KIAA1217: variants seen among roughly 807,000 people sequenced by gnomAD.
KIAA1217 encodes the protein KIAA1217, also known as sickle tail protein homolog.
A neutral mutation model predicts 163.9 loss-of-function variants in KIAA1217; 88 were observed. The ratio of observed to expected loss-of-function variants is 0.54; its 90% CI spans 0.45 to 0.64. KIAA1217 has a LOEUF of 0.64. Ranked by LOEUF, KIAA1217 falls within the 30% of genes least tolerant of loss-of-function variation. The probability of loss-of-function intolerance (pLI) is 0.00; values close to 1 mark genes in which losing one functional copy is unlikely to be tolerated. For missense variants in KIAA1217, 2,372 were observed against 2,475.0 expected (o/e 0.96, Z 0.88); for synonymous variants, 903 against 923.1 (o/e 0.98, Z 0.39).
chr10:23,731,203 G>A (rs1838457938), intron 1 of KIAA1217, among the ~76,000 whole-genome samples: 1 of 152,150 alleles, frequency 6.6e-6, no homozygotes, highest in African/African-American at 2.4e-5. Flanking sequence ...TGAGGGAGGG[G>A]AAGGTGGAAC....
At chr10:24,376,652 C>T (rs1170163226) in intron 2 of KIAA1217, among the ~76,000 whole-genome samples, 2 of 152,148 alleles carry the variant, frequency 1.3e-5, no homozygotes, top group Non-Finnish European at 2.9e-5. Flanking sequence ...GTCCCAGCTA[C>T]TCAGGAGGCT....
intron 2 of KIAA1217, among the ~76,000 whole-genome samples, chr10:24,140,350 ACT>A (rs2064009637): frequency 7.1e-6 from 1 of 141,470 alleles, no homozygotes; most frequent in South Asian, 2.2e-4. Flanking sequence ...ACAGAGGAAG[ACT>A]CTGTCTCAAA....
chr10:24,452,066 A>G (rs2061413026), intron 5 of KIAA1217, among the ~76,000 whole-genome samples: 1 of 152,072 alleles, frequency 6.6e-6, no homozygotes, highest in Admixed American at 6.5e-5. Flanking sequence ...CTTTTATATA[A>G]ATTTGGGGGT....
intron 2 of KIAA1217, among the ~76,000 whole-genome samples, chr10:24,174,764 G>T (rs995925639): frequency 1.3e-5 from 2 of 151,996 alleles, no homozygotes; most frequent in African/African-American, 4.8e-5. Context: ...GTGGTCTTTG[G>T]TTACATGAAT....
chr10:23,848,337 G>A (rs1839140963), intron 1 of KIAA1217, among the ~76,000 whole-genome samples: 1 of 151,972 alleles, frequency 6.6e-6, no homozygotes, highest in African/African-American at 2.4e-5. Context: ...CACTACTATT[G>A]TGTGGGAGTC....
At chr10:24,455,944 A>G (rs1393427496) in intron 5 of KIAA1217, among the ~76,000 whole-genome samples, 3 of 152,182 alleles carry the variant, frequency 2.0e-5, no homozygotes, top group Non-Finnish European at 4.4e-5. Flanking sequence ...GCTGGAGTGC[A>G]GTGGTGCAGT....
At position 24,521,841 on chromosome 10, in the gene KIAA1217, G is replaced by T; in HGVS notation, c.2368G>T (p.Val790Leu). ...RAILRIEVEA[V>L]RFLKEEPHKL... ...CATCCTGCGCATAGAAGTGGAGGCC[G>T]TGCGGTTTCTGAAGGAGGAGCCACA... The change falls in exon 12 of 21, where the codon GTG becomes TTG. Residue 790 changes from valine (V) to leucine (L), a missense_variant. Around this residue, in one of 3 missense-constraint regions of KIAA1217, gnomAD observed 1,431 missense variants for 1,470.3 expected, o/e 0.97. Coordinates refer to ENST00000376454, the MANE Select transcript of KIAA1217 (RefSeq NM_019590.5). 6.2e-7 allele frequency: 1 copy of T among 1,613,786 alleles called. No individual in the cohort carries two copies. Among genetic ancestry groups the T allele is most frequent in the Non-Finnish European group, 8.5e-7 (1 of 1,180,000 alleles).
intron 1 of KIAA1217, among the ~76,000 whole-genome samples, chr10:23,735,736 T>G (rs1353383606): frequency 6.6e-6 from 1 of 152,150 alleles, no homozygotes; most frequent in African/African-American, 2.4e-5. Flanking sequence ...GTTTTTGGCT[T>G]ATCTTTTCAC....
intron 6 of KIAA1217, among the ~76,000 whole-genome samples, chr10:24,480,582 G>A (rs548523803): frequency 2.2e-4 from 33 of 152,264 alleles, no homozygotes; most frequent in Admixed American, 1.0e-3. Flanking sequence ...TACCCCACAG[G>A]ATGCAACAAC....
intron 1 of KIAA1217, among the ~76,000 whole-genome samples, chr10:24,212,145 C>A (rs1486319125): frequency 1.1e-4 from 16 of 151,748 alleles, no homozygotes; most frequent in African/African-American, 3.9e-4. Flanking sequence ...AAAGAAAAGA[C>A]AAACAAGACA....
intron 2 of KIAA1217, among the ~76,000 whole-genome samples, chr10:24,226,300 C>A (rs886959704): frequency 6.6e-5 from 10 of 152,202 alleles, no homozygotes; most frequent in South Asian, 2.1e-4. Context: ...AGCAATAGAG[C>A]CATAGACATG....
At chr10:24,443,099 T>C (rs551185069) in intron 5 of KIAA1217, among the ~76,000 whole-genome samples, 1 of 152,066 alleles carries the variant, frequency 6.6e-6, no homozygotes, top group East Asian at 1.9e-4. Context: ...TTAGAAGAAA[T>C]GGGATTTTGC....
chr10:24,278,678 C>G (rs1208656300), intron 2 of KIAA1217, among the ~76,000 whole-genome samples: 1 of 152,106 alleles, frequency 6.6e-6, no homozygotes, highest in Non-Finnish European at 1.5e-5. Flanking sequence ...TGTGTGCTGT[C>G]TAGTGGGGAC....
chr10:23,989,612 G>A (rs917621555), intron 1 of KIAA1217, among the ~76,000 whole-genome samples: 5 of 152,000 alleles, frequency 3.3e-5, no homozygotes, highest in Admixed American at 6.6e-5. Flanking sequence ...TAAGTCCTTC[G>A]GATTAAAATA....
chr10:23,698,341 A>G (rs993336333), intron 1 of KIAA1217, among the ~76,000 whole-genome samples: 5 of 152,236 alleles, frequency 3.3e-5, no homozygotes, highest in African/African-American at 1.2e-4. Context: ...TAAAATTTAT[A>G]TTGTAGAAGT....
At chr10:24,497,956 T>G (rs1179878851) in intron 8 of KIAA1217, among the ~76,000 whole-genome samples, 1 of 152,156 alleles carries the variant, frequency 6.6e-6, no homozygotes, top group Non-Finnish European at 1.5e-5. Context: ...ATCCAAAAAC[T>G]ACTTGTTCCT....
intron 2 of KIAA1217, among the ~76,000 whole-genome samples, chr10:24,295,773 T>A (rs1265030843): frequency 2.0e-5 from 3 of 152,128 alleles, no homozygotes; most frequent in Non-Finnish European, 4.4e-5. Flanking sequence ...TTGCTACCAA[T>A]CCTTCCTTCA....
At chr10:24,458,439 A>T (rs2062027012) in intron 5 of KIAA1217, among the ~76,000 whole-genome samples, 1 of 152,138 alleles carries the variant, frequency 6.6e-6, no homozygotes, top group South Asian at 2.1e-4. Flanking sequence ...CTCTGGCAAC[A>T]CTCAATACAG....
intron 1 of KIAA1217, among the ~76,000 whole-genome samples, chr10:23,993,778 C>G (rs539724396): frequency 2.3e-4 from 35 of 151,978 alleles, no homozygotes; most frequent in African/African-American, 7.7e-4. Flanking sequence ...CGGGGTTTCA[C>G]CATTTTGGCC....
Sources: gnomAD v4.1 joint callset for allele counts (sites outside exome capture counted in the v4.1 genomes callset) on GRCh38, gnomAD v4.1.1 for gene constraint, gnomAD v4.1.1 regional missense constraint, MANE v1.5 for transcripts, NCBI Gene and HGNC (gene_info 2026-07-23, HGNC 2026-07-21) for gene names.